Variants in NBAS observed in about 807,000 individuals in gnomAD.
NBAS encodes the protein NAG/BC035112 fusion.
NBAS carries 219 observed loss-of-function variants against 302.5 expected under a neutral mutation model. The observed-to-expected ratio is 0.72, with a 90% CI of 0.65 to 0.81. The LOEUF is 0.81. NBAS is among the 30% of genes least tolerant of loss of function. The pLI, the probability that NBAS is intolerant of heterozygous loss-of-function variation, is 0.00. For missense variants in NBAS, 2,932 were observed against 2,841.6 expected, an observed-to-expected ratio of 1.03 and a Z score of -0.72; for synonymous variants, 1,118 against 1,021.6, an observed-to-expected ratio of 1.09 and a Z score of -1.80.
chr2:15,333,256 T>G (rs1178342146), intron 35 of NBAS, among the ~76,000 whole-genome samples: 1 of 152,030 alleles, frequency 6.6e-6, no homozygotes, highest in Non-Finnish European at 1.5e-5. Flanking sequence ...GGATGCAACT[T>G]CTGAAACACG....
intron 9 of NBAS, among the ~76,000 whole-genome samples, chr2:15,512,673 A>C (rs903883056): frequency 6.6e-5 from 10 of 152,180 alleles, no homozygotes; most frequent in African/African-American, 2.4e-4. Flanking sequence ...CTGGCTTTGA[A>C]GGTAGAAGGG....
At chr2:15,423,743 G>A (rs761219296) in intron 23 of NBAS, among the ~76,000 whole-genome samples, 5 of 152,190 alleles carry the variant, frequency 3.3e-5, no homozygotes, top group African/African-American at 4.8e-5. Flanking sequence ...CAATAGGTCC[G>A]AGTCACAAAG....
chr2:14,940,496 T>C, the NBAS span, among the ~76,000 whole-genome samples: 1 of 152,316 alleles, frequency 6.6e-6, no homozygotes, highest in East Asian at 1.9e-4. Context: ...TCATTATATA[T>C]ACGCTGAAAG....
At chr2:15,506,392 T>G (rs1193050889) in intron 10 of NBAS, among the ~76,000 whole-genome samples, 2 of 152,120 alleles carry the variant, frequency 1.3e-5, no homozygotes, top group South Asian at 2.1e-4. Context: ...TAAAGACCTG[T>G]AAGAAAAACT....
chr2:15,094,533 C>T, the NBAS span, among the ~76,000 whole-genome samples: 1 of 152,158 alleles, frequency 6.6e-6, no homozygotes, highest in South Asian at 2.1e-4. Flanking sequence ...CGGGATTAAG[C>T]CTGGGGCTGA....
At chr2:14,789,000 T>A in the NBAS span, among the ~76,000 whole-genome samples, 9 of 152,250 alleles carry the variant, frequency 5.9e-5, no homozygotes, top group Non-Finnish European at 1.2e-4. Flanking sequence ...TGGAGCTTCC[T>A]GGCTGCTTTG....
the NBAS span, among the ~76,000 whole-genome samples, chr2:14,975,079 C>G: frequency 6.6e-6 from 1 of 152,258 alleles, no homozygotes; most frequent in Non-Finnish European, 1.5e-5. Flanking sequence ...GATGTCGGTC[C>G]TCCAACCTCA....
chr2:14,859,985 C>A, the NBAS span, among the ~76,000 whole-genome samples: 5 of 151,550 alleles, frequency 3.3e-5, no homozygotes, highest in South Asian at 1.0e-3. Context: ...AACTCAATAG[C>A]AAAGACATAA....
chr2:15,092,984 G>A, the NBAS span, among the ~76,000 whole-genome samples: 1 of 152,138 alleles, frequency 6.6e-6, no homozygotes, highest in African/African-American at 2.4e-5. Flanking sequence ...AAATGTTCCT[G>A]GGGGTTAAAG....
intron 12 of NBAS, among the ~76,000 whole-genome samples, chr2:15,485,187 A>G (rs1680571872): frequency 6.6e-6 from 1 of 152,160 alleles, no homozygotes; most frequent in Non-Finnish European, 1.5e-5. Flanking sequence ...AGAGTTAAGC[A>G]TATCTGAGAG....
chr2:15,300,057 G>A (rs1670726857), intron 40 of NBAS, among the ~76,000 whole-genome samples: 1 of 152,194 alleles, frequency 6.6e-6, no homozygotes, highest in African/African-American at 2.4e-5. Context: ...GCAGCTCCAT[G>A]GATCATCTGA....
the NBAS span, among the ~76,000 whole-genome samples, chr2:14,994,406 C>T: frequency 6.6e-6 from 1 of 152,192 alleles, no homozygotes; most frequent in African/African-American, 2.4e-5. Context: ...TCTCTAAACC[C>T]TCAAAGCCCA....
the NBAS span, among the ~76,000 whole-genome samples, chr2:14,796,225 G>C: frequency 1.9e-4 from 29 of 152,334 alleles, no homozygotes; most frequent in South Asian, 3.1e-3. Context: ...AGCACTATAT[G>C]CTGCCTTGGT....
chr2:14,928,082 C>T, the NBAS span, among the ~76,000 whole-genome samples: 1,633 of 152,260 alleles, frequency 0.011, 22 homozygotes, highest in South Asian at 0.046. Flanking sequence ...GTTAGCTTTG[C>T]TACTTGTTAG....
At chr2:14,910,071 CG>C in the NBAS span, among the ~76,000 whole-genome samples, 1 of 152,064 alleles carries the variant, frequency 6.6e-6, no homozygotes, top group African/African-American at 2.4e-5. Context: ...ATCAGTTTAG[CG>C]GGGAGAGTTC....
intron 44 of NBAS, among the ~76,000 whole-genome samples, chr2:15,255,689 T>G (rs575434841): frequency 1.3e-4 from 20 of 152,352 alleles, no homozygotes; most frequent in Admixed American, 1.3e-3. Context: ...AGGTGTTAGA[T>G]TTAAGTCCTT....
intron 44 of NBAS, among the ~76,000 whole-genome samples, chr2:15,274,117 C>T (rs1669458137): frequency 6.6e-6 from 1 of 151,516 alleles, no homozygotes; most frequent in Non-Finnish European, 1.5e-5. Context: ...TCTTTAAAAA[C>T]AAAAAACATG....
the NBAS span, among the ~76,000 whole-genome samples, chr2:15,062,354 G>A: frequency 2.6e-5 from 4 of 152,192 alleles, no homozygotes; most frequent in African/African-American, 7.2e-5. Flanking sequence ...TGCACAGAGC[G>A]ATGAGATGCA....
chr2:14,996,450 C>A, the NBAS span, among the ~76,000 whole-genome samples: 1 of 152,152 alleles, frequency 6.6e-6, no homozygotes, highest in African/African-American at 2.4e-5. Flanking sequence ...CGGCAGACGG[C>A]GTACAGCACC....
Sources: gnomAD v4.1 joint callset for allele counts (sites outside exome capture counted in the v4.1 genomes callset) on GRCh38, gnomAD v4.1.1 for gene constraint, MANE v1.5 for transcripts, NCBI Gene and HGNC (gene_info 2026-07-23, HGNC 2026-07-21) for gene names.